Variants in PLIN4 observed in about 807,000 individuals in gnomAD.
PLIN4 encodes perilipin 4.
In PLIN4, 57 loss-of-function variants were observed where a neutral mutation model predicts 52.4. That is an observed-to-expected ratio of 1.09 (90% CI 0.88 to 1.36). PLIN4 has a LOEUF of 1.36. Ranked by LOEUF, PLIN4 falls within the 40% of genes most tolerant of loss-of-function variation. The pLI is 0.00. For missense variants in PLIN4, 1,757 were observed against 1,770.3 expected, an observed-to-expected ratio of 0.99 and a Z score of 0.13; for synonymous variants, 826 against 785.4, an observed-to-expected ratio of 1.05 and a Z score of -0.86.
chr19:4,511,980 C>G lies in PLIN4; in HGVS notation c.1980G>C (p.Ala660=). 7.7e-6 allele frequency: 12 copies of G among 1,565,210 alleles called. No homozygotes were observed. Among genetic ancestry groups the G allele is most frequent in the Non-Finnish European group, 1.0e-5 (12 of 1,155,518 alleles). ...QTGLKTTQNI[A]TGTKNTFGSG... The stretch of plus-strand genomic sequence containing the variant: ...TGCCAAAGGTGTTCTTTGTACCTGT[C>G]GCGATATTTTGGGTCGTTTTCAGCC... The change falls in exon 5 of 8, where the codon GCG becomes GCC. Residue 660 remains alanine (A), a synonymous_variant. Transcript: ENST00000301286.
intron 4 of PLIN4, among the ~76,000 whole-genome samples, chr19:4,514,512 T>A (rs1009086381): frequency 4.1e-5 from 6 of 148,084 alleles, no homozygotes; most frequent in African/African-American, 1.5e-4. Flanking sequence ...GATCACGAGG[T>A]CAGGAGATCG....
chr19:4,510,710 GGCTCAGGGCAGTCT>G lies in PLIN4; in HGVS notation c.3236_3249del (p.Gln1079ProfsTer36). The G allele has an allele frequency of 1.3e-6, 2 of 1,528,314 alleles. No homozygotes were observed. Among genetic ancestry groups the G allele is most frequent in the Non-Finnish European group, 1.8e-6 (2 of 1,140,434 alleles). 94.7% of individuals were successfully genotyped at this position (1,528,314 alleles called of 1,614,324 possible). On this transcript the variant is annotated frameshift_variant, in exon 5 of 8. Coordinates refer to ENST00000301286, the MANE Select transcript of PLIN4 (RefSeq NM_001367868.2). LOFTEE classifies it high-confidence loss of function. ...ATGCCAGAGAACGGGGCCTCTTGGG[GGCTCAGGGCAGTCT>G]GCTCCCCACCATTGTCTGTGGTCCT...
rs138100390 is a variant in PLIN4 at position 4,506,322 on chromosome 19, C to G, written c.3703-1375G>C. ...CCTGCCCCAGGGCCTTTGCACGGGCCGTGCCCTCCGCTCAGATCACACTCC... is the reference window on the plus strand; with the variant it reads ...CCTGCCCCAGGGCCTTTGCACGGGCGGTGCCCTCCGCTCAGATCACACTCC... On this transcript the variant is annotated intron_variant, in intron 6 of 7. Transcript: ENST00000301286. Among the ~76,000 whole-genome samples the G allele has an allele frequency of 3.8e-4, 58 of 152,302 alleles. No individual in the cohort carries two copies. In the East Asian group the frequency reaches 0.011, roughly 30 times the overall value.
chr19:4,513,575 G>A lies in PLIN4; in HGVS notation c.385C>T (p.Arg129Trp), dbSNP rs374023977. ...TCCTTGGTGCCCGTAAGTGCAGACC[G>A]AGTGGTGTCCAGGCCTCCCTGGACC... Reference protein sequence around the residue: ...GVVQGGLDTTRSALTGTKEVV... With the variant: ...GVVQGGLDTTWSALTGTKEVV... The change falls in exon 5 of 8, where the codon CGG (arginine) becomes TGG (tryptophan). Residue 129 changes from arginine (R) to tryptophan (W), a missense_variant. Transcript: ENST00000301286. 6.8e-5 allele frequency: 109 copies of A among 1,605,274 alleles called. 1 individual carries two copies. Among genetic ancestry groups the A allele is most frequent in the Middle Eastern group, 6.6e-4 (4 of 6,070 alleles).
chr19:4,518,200 C>G, intron 2 of PLIN4, 22 bp downstream of exon 2: 1 of 1,233,090 alleles, frequency 8.1e-7, no homozygotes. Flanking sequence ...CAGCAAGAAT[C>G]TGCCCCATTT....
intron 5 of PLIN4, 119 bp from the exon 6 acceptor site, chr19:4,509,074 C>T (rs1403605008): frequency 2.2e-6 from 2 of 920,850 alleles, no homozygotes; most frequent in African/African-American, 3.4e-5. Flanking sequence ...CTCTGGGAGG[C>T]CGAGGCGGGC....
chr19:4,504,322 C>T lies in PLIN4; in HGVS notation c.*137G>A, dbSNP rs1345210486. 5 of 904,444 alleles carry T rather than the reference C, an allele frequency of 5.5e-6. No individual in the cohort carries two copies. Among genetic ancestry groups the T allele is most frequent in the South Asian group, 2.0e-5 (1 of 49,124 alleles). 56.0% of individuals were successfully genotyped at this position (904,444 alleles called of 1,614,324 possible). ...GGTCACTGCCTCCGCAGCCCCTCGG[C>T]GCTCAGCCAGCTGCAGCCCCAAAGG... is the stretch of plus-strand genomic sequence containing the variant. On this transcript the variant is annotated 3_prime_UTR_variant, in exon 8 of 8. Transcript: ENST00000301286.
chr19:4,512,703 T>A lies in PLIN4; in HGVS notation c.1257A>T (p.Gln419His). The change falls in exon 5 of 8, where the codon CAA (glutamine) becomes CAT (histidine). Residue 419 changes from glutamine (Q) to histidine (H), a missense_variant. By Grantham distance (24) the Gln-to-His change is conservative (BLOSUM62 0). Coordinates refer to ENST00000301286, the MANE Select transcript of PLIN4 (RefSeq NM_001367868.2). Reference protein sequence around the residue: ...GAANVAKGAMQTGLNTTQNIA... With the variant: ...GAANVAKGAMHTGLNTTQNIA... The stretch of plus-strand genomic sequence containing the variant: ...TATTTTGGGTTGTGTTCAGCCCAGT[T>A]TGCATGGCCCCCTTGGCCACATTCG... The A allele has an allele frequency of 6.6e-7, 1 of 1,526,506 alleles. No homozygotes were observed. Among genetic ancestry groups the A allele is most frequent in the Non-Finnish European group, 8.7e-7 (1 of 1,143,642 alleles). 94.6% of individuals were successfully genotyped at this position (1,526,506 alleles called of 1,614,324 possible). A position where few individuals can be genotyped will look rare whatever the true frequency, so the allele number is the denominator to read the frequency against.
At chr19:4,516,256 G>A (rs1005221288) in intron 4 of PLIN4, among the ~76,000 whole-genome samples, 2 of 152,194 alleles carry the variant, frequency 1.3e-5, no homozygotes, top group Non-Finnish European at 2.9e-5. Flanking sequence ...CTCCAGCCTG[G>A]GTGAAACAGC....
chr19:4,518,480 G>A lies in PLIN4; in HGVS notation c.-113C>T. 8.2e-7 allele frequency: 1 copy of A among 1,215,360 alleles called. No homozygotes were observed. Among genetic ancestry groups the A allele is most frequent in the Non-Finnish European group, 1.0e-6 (1 of 977,916 alleles). The allele number at this position is 1,215,360 out of a possible 1,614,324, so 75.3% of individuals were successfully genotyped here. ...CCCTGGAGGACGGACCGGCCCGGCT[G>A]GCAGCTGGCTCTACCCTCAGCTCCC... On this transcript the variant is annotated 5_prime_UTR_variant, in exon 1 of 8. Coordinates refer to ENST00000301286, the MANE Select transcript of PLIN4 (RefSeq NM_001367868.2).
chr19:4,517,540 G>A lies in PLIN4; in HGVS notation c.196+14C>T, dbSNP rs1339325102. ...TAGAGTCCCCCCACGCCCCCAGCTG[G>A]GCCAGCCACTCACCCTGAGCCTGTG... On this transcript the variant is annotated intron_variant, in intron 3 of 7. Transcript: ENST00000301286. The A allele has an allele frequency of 2.5e-6, 4 of 1,599,310 alleles. No individual in the cohort carries two copies. The highest frequency in any genetic ancestry group is 2.7e-5 in the African/African-American group (2 of 74,608).
chr19:4,510,555 C>G lies in PLIN4; in HGVS notation c.3405G>C (p.Gly1135=), dbSNP rs756454584. The G allele has an allele frequency of 1.3e-6, 2 of 1,498,762 alleles. No homozygotes were observed. The highest frequency in any genetic ancestry group is 1.4e-5 in the South Asian group (1 of 71,304). 92.8% of individuals were successfully genotyped at this position (1,498,762 alleles called of 1,614,324 possible). A position where few individuals can be genotyped will look rare whatever the true frequency, so the allele number is the denominator to read the frequency against. Residue 1135 remains glycine (G), a synonymous_variant, in exon 5 of 8, where the codon GGG becomes GGC. Coordinates refer to ENST00000301286, the MANE Select transcript of PLIN4 (RefSeq NM_001367868.2). ...CGGGGCCGTGTGTGGTGGCCAAAAG[C>G]CCCGTGTCCTCCCTGCCTGGGGCGG... ...QGAAPGREDT[G]LLATTHGPEE...
intron 5 of PLIN4, among the ~76,000 whole-genome samples, chr19:4,509,306 G>A (rs1212515710): frequency 0.01 from 7 of 674 alleles, no homozygotes; most frequent in African/African-American, 0.015. Context: ...GCGAGACTCC[G>A]TCTCAAAAAA....
intron 4 of PLIN4, among the ~76,000 whole-genome samples, chr19:4,515,734 C>T (rs1263450276): frequency 5.9e-5 from 9 of 152,128 alleles, no homozygotes; most frequent in Non-Finnish European, 1.0e-4. Context: ...CCCAGGATGG[C>T]CCCACCCCAG....
chr19:4,517,988 T>C (rs1976635666), intron 2 of PLIN4, among the ~76,000 whole-genome samples: 1 of 152,158 alleles, frequency 6.6e-6, no homozygotes, highest in Non-Finnish European at 1.5e-5. Flanking sequence ...GGGGCGGAGC[T>C]GAGGCCGGCC....
chr19:4,511,462 CAGA>C lies in PLIN4; in HGVS notation c.2495_2497del (p.Val832_Cys833delinsGly). On this transcript the variant is annotated inframe_deletion, in exon 5 of 8. Coordinates refer to ENST00000301286, the MANE Select transcript of PLIN4 (RefSeq NM_001367868.2). ...GTTCGCAGCACCGGTGACCCCACTGCAGACAGTGTCCTTGGTACCGGTCAGCAC... is the reference window on the plus strand; with the variant it reads ...GTTCGCAGCACCGGTGACCCCACTGCCAGTGTCCTTGGTACCGGTCAGCAC... 7.2e-7 allele frequency: 1 copy of C among 1,381,806 alleles called. No individual in the cohort carries two copies. Among genetic ancestry groups the C allele is most frequent in the East Asian group, 2.6e-5 (1 of 38,804 alleles). 85.6% of individuals were successfully genotyped at this position (1,381,806 alleles called of 1,614,324 possible).
intron 6 of PLIN4, among the ~76,000 whole-genome samples, chr19:4,505,632 G>A (rs566196080): frequency 3.9e-5 from 6 of 152,124 alleles, no homozygotes; most frequent in Non-Finnish European, 7.4e-5. Context: ...TCCCCAGCAC[G>A]TGGCACCCAC....
At chr19:4,507,605 C>G (rs1050009549) in intron 6 of PLIN4, among the ~76,000 whole-genome samples, 11 of 152,124 alleles carry the variant, frequency 7.2e-5, no homozygotes, top group African/African-American at 2.4e-4. Flanking sequence ...GGGAGGATCT[C>G]TTGACCCCAG....
chr19:4,508,696 G>GCAGGGTGAGTC, intron 6 of PLIN4, 72 bp downstream of exon 6: 1 of 1,446,756 alleles, frequency 6.9e-7, no homozygotes, highest in Non-Finnish European at 9.3e-7. Context: ...AGTATCTGCA[G>GCAGGGTGAGTC]CTGGGTGAGT....
Sources: gnomAD v4.1 joint callset for allele counts (sites outside exome capture counted in the v4.1 genomes callset) on GRCh38, gnomAD v4.1.1 for gene constraint, MANE v1.5 for transcripts, NCBI Gene and HGNC (gene_info 2026-07-23, HGNC 2026-07-21) for gene names.